Variants in FGL1 observed in about 807,000 individuals in gnomAD.
FGL1 encodes the protein fibrinogen-like protein 1.
In FGL1, 59 loss-of-function variants were observed where a neutral mutation model predicts 43.7. That is an observed-to-expected ratio of 1.35 (90% confidence interval 1.10 to 1.68). The LOEUF is 1.68. Among genes scored for constraint, FGL1 ranks in the 40% most tolerant of loss-of-function variants. The pLI is 0.00. For synonymous variants in FGL1, 192 were observed against 126.5 expected (o/e 1.52, Z -3.48); for missense variants, 596 against 373.0 (o/e 1.60, Z -4.92).
chr8:17,885,632 T>A (rs2053617353), intron 1 of FGL1, 61 bp from the exon 2 acceptor site: 2 of 1,389,690 alleles, frequency 1.4e-6, no homozygotes, highest in African/African-American at 2.9e-5. Context: ...GAGACCAGAG[T>A]TCAGACTTCA....
At chr8:17,881,742 G>A (rs1475052023) in intron 3 of FGL1, among the ~76,000 whole-genome samples, 1 of 150,938 alleles carries the variant, frequency 6.6e-6, no homozygotes, top group Non-Finnish European at 1.5e-5. Context: ...ACTGAGGCAG[G>A]AGAATGGTGT....
At chr8:17,875,533 T>TTCTCTCTCTCTCTCTCTCTCTC (rs553838593) in intron 3 of FGL1, among the ~76,000 whole-genome samples, 2 of 11,844 alleles carry the variant, frequency 1.7e-4, no homozygotes, top group African/African-American at 4.7e-4. Context: ...CTTTCTTTCT[T>TTCTCTCTCTCTCTCTCTCTCTC]TCTCTTTCTT....
At position 17,895,435 on chromosome 8, in the gene FGL1, T is replaced by G; in HGVS notation, c.-18+12A>C. On this transcript the variant is annotated intron_variant, in intron 1 of 7. Coordinates refer to ENST00000427924, the MANE Select transcript of FGL1 (RefSeq NM_004467.4). Reference sequence around the variant, plus strand: ...AAGCATGTCAAAAATGCAGAGACATTAAATAACTTGCCTAAAGTCAGAAGT... The same window carrying G: ...AAGCATGTCAAAAATGCAGAGACATGAAATAACTTGCCTAAAGTCAGAAGT... 1 of 1,283,450 alleles carries G rather than the reference T, an allele frequency of 7.8e-7. No individual in the cohort carries two copies. The highest frequency in any genetic ancestry group is 1.0e-6 in the Non-Finnish European group (1 of 984,466). 79.5% of individuals were successfully genotyped at this position (1,283,450 alleles called of 1,614,324 possible).
chr8:17,884,863 C>T (rs1024443824), intron 2 of FGL1, among the ~76,000 whole-genome samples: 5 of 151,922 alleles, frequency 3.3e-5, no homozygotes, highest in African/African-American at 9.7e-5. Context: ...AACACAAGTT[C>T]GATGTAATTA....
At chr8:17,885,232 A>G (rs2053610580) in intron 2 of FGL1, among the ~76,000 whole-genome samples, 1 of 151,948 alleles carries the variant, frequency 6.6e-6, no homozygotes, top group Admixed American at 6.6e-5. Flanking sequence ...TTTAGTAAAG[A>G]TGGGGTTTCA....
At chr8:17,872,117 C>T (rs2053372104) in intron 5 of FGL1, among the ~76,000 whole-genome samples, 2 of 152,004 alleles carry the variant, frequency 1.3e-5, no homozygotes, top group African/African-American at 4.8e-5. Flanking sequence ...TTAGAGAGCA[C>T]TGATCATAAG....
chr8:17,895,425 G>A (rs2053760186), intron 1 of FGL1, 22 bp downstream of exon 1: 2 of 1,282,276 alleles, frequency 1.6e-6, no homozygotes, highest in African/African-American at 1.5e-5. Context: ...TGTCAAAAAT[G>A]CAGAGACATT....
chr8:17,870,440 A>T (rs946794998), intron 5 of FGL1, among the ~76,000 whole-genome samples: 19 of 152,198 alleles, frequency 1.2e-4, no homozygotes, highest in African/African-American at 4.6e-4. Flanking sequence ...GATAAATAAG[A>T]TATAACAATG....
In FGL1 at chr8:17,882,012, C is replaced by G. The variant is rs747094477; in HGVS notation, c.231G>C (p.Lys77Asn). The change falls in exon 3 of 8, where the codon AAG becomes AAC. Residue 77 changes from lysine to asparagine, a missense_variant. Physicochemically the swap from Lys to Asn is moderately conservative, Grantham distance 94 (BLOSUM62 0). Coordinates refer to ENST00000427924, the MANE Select transcript of FGL1 (RefSeq NM_004467.4). Reference sequence around the variant, plus strand: ...GTCCATTCTGACCTGCATACTGCCTCTTGCTTCCAAGATCAATGACAGTAT... The same window carrying G: ...GTCCATTCTGACCTGCATACTGCCTGTTGCTTCCAAGATCAATGACAGTAT... Reference protein sequence around the residue: ...DENTVIDLGSKRQYADCSEIF... With the variant: ...DENTVIDLGSNRQYADCSEIF... The G allele has an allele frequency of 6.2e-7, 1 of 1,613,898 alleles. No homozygotes were observed. The highest frequency in any genetic ancestry group is 2.2e-5 in the East Asian group (1 of 44,862).
chr8:17,871,656 G>C (rs1483831634), intron 5 of FGL1, among the ~76,000 whole-genome samples: 1 of 152,098 alleles, frequency 6.6e-6, no homozygotes, highest in African/African-American at 2.4e-5. Context: ...TTATGTAGTG[G>C]GGATAAAGCT....
At position 17,882,101 on chromosome 8, in the gene FGL1, G is replaced by C. The variant is rs1258777563; in HGVS notation, c.142C>G (p.Gln48Glu). Residue 48 changes from glutamine to glutamate, a missense_variant, in exon 3 of 8, where the codon CAG (glutamine) becomes GAG (glutamate). Transcript: ENST00000427924. ...TGCAAAAGCTGCTTGATCTTGACCTGTTGCTGTTTGACCCGGGTCTCAAGC... is the reference window on the plus strand; with the variant it reads ...TGCAAAAGCTGCTTGATCTTGACCTCTTGCTGTTTGACCCGGGTCTCAAGC... ...RLLETRVKQQ[Q>E]VKIKQLLQEN... 1.2e-6 allele frequency: 2 copies of C among 1,613,912 alleles called. No individual in the cohort carries two copies. The highest frequency in any genetic ancestry group is 2.7e-5 in the African/African-American group (2 of 74,886).
intron 3 of FGL1, among the ~76,000 whole-genome samples, chr8:17,880,165 A>G (rs1206671702): frequency 5.3e-5 from 8 of 152,124 alleles, no homozygotes; most frequent in Admixed American, 5.2e-4. Context: ...ACTGCAGACC[A>G]CTGGCTCTGG....
At position 17,891,613 on chromosome 8, in the gene FGL1, C is replaced by T. The variant is rs573083214; in HGVS notation, c.-18+3834G>A. 1.9e-5 allele frequency: 17 copies of T among 884,810 alleles called. No individual in the cohort carries two copies. The South Asian group carries it at 6.7e-4, about 35-fold the overall frequency. The allele number at this position is 884,810 out of a possible 1,614,324, so 54.8% of individuals were successfully genotyped here. A position where few individuals can be genotyped will look rare whatever the true frequency, so the allele number is the denominator to read the frequency against. ...GTTAGGAATGTACATGTTTTGGGGG[C>T]ACAGCTGAACCTAGCACAGGTACTC... On this transcript the variant is annotated intron_variant, in intron 1 of 7. Coordinates refer to ENST00000427924, the MANE Select transcript of FGL1 (RefSeq NM_004467.4).
intron 3 of FGL1, among the ~76,000 whole-genome samples, chr8:17,875,675 G>A (rs1416049995): frequency 6.6e-6 from 1 of 151,276 alleles, no homozygotes; most frequent in Admixed American, 6.6e-5. Context: ...TGCTATTTCG[G>A]CTCACTACAA....
chr8:17,881,183 C>T (rs1459712098), intron 3 of FGL1, among the ~76,000 whole-genome samples: 7 of 147,116 alleles, frequency 4.8e-5, no homozygotes, highest in African/African-American at 1.9e-4. Flanking sequence ...GTTGCCCAGG[C>T]TGGAGTGCAG....
intron 1 of FGL1, among the ~76,000 whole-genome samples, chr8:17,893,589 C>T: frequency 6.8e-6 from 1 of 148,028 alleles, no homozygotes; most frequent in Non-Finnish European, 1.5e-5. Context: ...AAGGCACCCC[C>T]TAGTCTGGTA....
At chr8:17,887,203 C>A (rs866101288) in intron 1 of FGL1, among the ~76,000 whole-genome samples, 1 of 152,130 alleles carries the variant, frequency 6.6e-6, no homozygotes, top group South Asian at 2.1e-4. Flanking sequence ...ACATAGGATT[C>A]CTCGCTGGAG....
rs35522859 is a variant in FGL1 at position 17,891,808 on chromosome 8, C to G, written c.-18+3639G>C. The G allele has an allele frequency of 0.052, 51,026 of 982,880 alleles. 1,325 individuals carry two copies. Among genetic ancestry groups the G allele is most frequent in the East Asian group, 0.074 (653 of 8,810 alleles). 60.9% of individuals were successfully genotyped at this position (982,880 alleles called of 1,614,324 possible). Reference sequence around the variant, plus strand: ...TTATCAGATTCCCTCCATCTTCACCCTTCCAGCAACAACAAAAATAACTAC... The same window carrying G: ...TTATCAGATTCCCTCCATCTTCACCGTTCCAGCAACAACAAAAATAACTAC... On this transcript the variant is annotated intron_variant, in intron 1 of 7. Coordinates refer to ENST00000427924, the MANE Select transcript of FGL1 (RefSeq NM_004467.4).
intron 1 of FGL1, among the ~76,000 whole-genome samples, chr8:17,889,928 C>T (rs2053681478): frequency 6.6e-6 from 1 of 152,184 alleles, no homozygotes; most frequent in Non-Finnish European, 1.5e-5. Flanking sequence ...TCAAAATATA[C>T]TGTTTGCAGC....
Sources: gnomAD v4.1 joint callset for allele counts (sites outside exome capture counted in the v4.1 genomes callset) on GRCh38, gnomAD v4.1.1 for gene constraint, MANE v1.5 for transcripts, NCBI Gene and HGNC (gene_info 2026-07-23, HGNC 2026-07-21) for gene names.